AKT3: variants seen among roughly 807,000 people sequenced by gnomAD.
AKT3 encodes the protein AKT serine/threonine kinase 3, also known as RAC-gamma serine/threonine-protein kinase.
Under a neutral mutation model 65.3 loss-of-function variants are expected in AKT3, and 15 were observed. The observed-to-expected ratio is 0.23, with a 90% CI of 0.15 to 0.35. The LOEUF (loss-of-function observed/expected upper bound fraction) is 0.35. Among genes scored for constraint, AKT3 ranks in the 10% least tolerant of loss-of-function variants. The pLI is 1.00. For synonymous variants in AKT3, 206 were observed against 183.8 expected (o/e 1.12, Z -0.98); for missense variants, 243 against 576.5 (o/e 0.42, Z 5.92).
chr1:243,569,146 T>C (rs1487420395), intron 9 of AKT3, among the ~76,000 whole-genome samples: 4 of 152,120 alleles, frequency 2.6e-5, no homozygotes, highest in Non-Finnish European at 5.9e-5. Flanking sequence ...ACTCTGCACA[T>C]TGCAAGTTTA....
chr1:243,653,847 T>TA (rs562898344), intron 4 of AKT3, among the ~76,000 whole-genome samples: 1 of 152,224 alleles, frequency 6.6e-6, no homozygotes, highest in South Asian at 2.1e-4. Flanking sequence ...AATGATATAA[T>TA]ACGGCAATCC....
intron 2 of AKT3, among the ~76,000 whole-genome samples, chr1:243,787,159 G>T (rs970203449): frequency 6.6e-6 from 1 of 152,090 alleles, no homozygotes; most frequent in East Asian, 1.9e-4. Context: ...AATCATAAAG[G>T]CAACGACAAA....
At chr1:243,812,816 T>C (rs533270206) in intron 2 of AKT3, among the ~76,000 whole-genome samples, 27 of 152,166 alleles carry the variant, frequency 1.8e-4, no homozygotes, top group African/African-American at 6.5e-4. Context: ...GTGGCATATA[T>C]ATACCATGGA....
At chr1:243,787,362 C>T (rs1045797012) in intron 2 of AKT3, among the ~76,000 whole-genome samples, 1 of 152,120 alleles carries the variant, frequency 6.6e-6, no homozygotes, top group East Asian at 1.9e-4. Context: ...AAAAACTAGT[C>T]CCAGCTCCCT....
chr1:243,817,118 C>T (rs1185835922), intron 2 of AKT3, among the ~76,000 whole-genome samples: 1 of 152,098 alleles, frequency 6.6e-6, no homozygotes, highest in Non-Finnish European at 1.5e-5. Context: ...GCACTCTGAG[C>T]CAACATTCAA....
chr1:243,795,467 T>G (rs1160923497), intron 2 of AKT3, among the ~76,000 whole-genome samples: 12 of 98,086 alleles, frequency 1.2e-4, no homozygotes, highest in Admixed American at 9.6e-4. Context: ...TTTTTGTTTT[T>G]TTTTTTTGGT....
At chr1:243,549,730 A>C (rs1315755610) in intron 11 of AKT3, among the ~76,000 whole-genome samples, 1 of 151,860 alleles carries the variant, frequency 6.6e-6, no homozygotes, top group African/African-American at 2.4e-5. Context: ...TGGCCCCATA[A>C]ACACTTTTAA....
intron 8 of AKT3, among the ~76,000 whole-genome samples, chr1:243,589,744 T>A (rs1017838404): frequency 6.6e-6 from 1 of 152,218 alleles, no homozygotes; most frequent in South Asian, 2.1e-4. Context: ...TACTCCCACA[T>A]ACACTGTAGC....
chr1:243,740,890 T>A (rs1688114016), intron 2 of AKT3: 1 of 152,194 alleles, frequency 6.6e-6, no homozygotes, highest in African/African-American at 2.4e-5. Context: ...GAATGACTTA[T>A]GCCATGACCT....
chr1:243,702,478 TG>T (rs1177495010), intron 2 of AKT3, among the ~76,000 whole-genome samples: 2 of 152,196 alleles, frequency 1.3e-5, no homozygotes, highest in Non-Finnish European at 2.9e-5. Flanking sequence ...AAAGGGTTTT[TG>T]TAAGGACATA....
chr1:243,499,915 T>C lies in AKT3; in HGVS notation c.*5334A>G. ...CCGCCTCAGCCTGCAGTGGGGCTGG[T>C]CCTCATCAACGCGGGCGCTGTCCCC... On this transcript the variant is annotated 3_prime_UTR_variant, in exon 14 of 14. Coordinates refer to ENST00000673466, the MANE Select transcript of AKT3 (RefSeq NM_005465.7). 1.2e-6 allele frequency: 1 copy of C among 862,274 alleles called. No homozygotes were observed. The highest frequency in any genetic ancestry group is 2.6e-5 in the East Asian group (1 of 38,422). 53.4% of individuals were successfully genotyped at this position (862,274 alleles called of 1,614,324 possible).
At chr1:243,735,778 G>A (rs570299701) in intron 2 of AKT3, 40 of 152,254 alleles carry the variant, frequency 2.6e-4, no homozygotes, top group Non-Finnish European at 3.8e-4. Flanking sequence ...CCCAACTGAT[G>A]GGTCAAACTG....
At chr1:243,660,197 G>C (rs1475299917) in intron 4 of AKT3, among the ~76,000 whole-genome samples, 4 of 151,802 alleles carry the variant, frequency 2.6e-5, no homozygotes, top group Non-Finnish European at 5.9e-5. Context: ...CTTCTTCCTG[G>C]TTTAGTCTTG....
chr1:243,629,447 G>A (rs1188415185), intron 6 of AKT3, among the ~76,000 whole-genome samples: 1 of 152,136 alleles, frequency 6.6e-6, no homozygotes, highest in Non-Finnish European at 1.5e-5. Flanking sequence ...GCAAGTGGAT[G>A]TCCCAGCATG....
chr1:243,543,697 A>T (rs1325844747), intron 12 of AKT3, among the ~76,000 whole-genome samples: 1 of 152,224 alleles, frequency 6.6e-6, no homozygotes. Flanking sequence ...CAGTGATACT[A>T]AGTGGATATA....
At chr1:243,700,982 TAAC>T (rs372999668) in intron 2 of AKT3, among the ~76,000 whole-genome samples, 29 of 151,394 alleles carry the variant, frequency 1.9e-4, no homozygotes, top group Admixed American at 6.5e-4. Flanking sequence ...ATTCACCTGA[TAAC>T]AACAAACTGT....
intron 5 of AKT3, among the ~76,000 whole-genome samples, chr1:243,643,098 C>T (rs754729483): frequency 1.8e-4 from 27 of 152,262 alleles, no homozygotes; most frequent in Admixed American, 2.0e-4. Flanking sequence ...ACATTGGTTA[C>T]GTCGCTTCTC....
intron 2 of AKT3, among the ~76,000 whole-genome samples, chr1:243,826,523 A>G (rs1394595681): frequency 6.6e-6 from 1 of 152,198 alleles, no homozygotes; most frequent in East Asian, 1.9e-4. Flanking sequence ...TGCATTCCTA[A>G]TATAAGGGAC....
intron 5 of AKT3, among the ~76,000 whole-genome samples, chr1:243,644,505 TACTTA>T (rs1680662249): frequency 2.0e-5 from 3 of 152,092 alleles, no homozygotes; most frequent in South Asian, 2.1e-4. Flanking sequence ...ATAATAATGG[TACTTA>T]ACTTATAGTT....
Sources: allele counts gnomAD v4.1 joint callset (sites outside exome capture counted in the v4.1 genomes callset), GRCh38; gene constraint gnomAD v4.1.1; transcripts MANE v1.5; gene names NCBI Gene and HGNC (gene_info 2026-07-23, HGNC 2026-07-21).